Variants in LUZP2 observed in about 807,000 individuals in gnomAD.
The protein encoded by LUZP2 is leucine zipper protein 2.
In LUZP2, 52 loss-of-function variants were observed where a neutral mutation model predicts 51.6. The observed-to-expected ratio is 1.01, with a 90% confidence interval of 0.81 to 1.27. The LOEUF is 1.27. LUZP2 is among the 50% of genes most tolerant of loss of function. The pLI is 0.00. For missense variants in LUZP2, 436 were observed against 395.4 expected (o/e 1.10, Z -0.87); for synonymous variants, 154 against 137.3 (o/e 1.12, Z -0.85).
In LUZP2 at chr11:24,835,952, TC is replaced by T. The variant is rs1329090030; in HGVS notation, c.397-70038del. Among the ~76,000 whole-genome samples the T allele has an allele frequency of 8.5e-5, 13 of 152,132 alleles. No individual in the cohort carries two copies. In the Middle Eastern group the frequency reaches 0.014, roughly 159 times the overall value. On this transcript the variant is annotated intron_variant, in intron 5 of 11. Transcript: ENST00000336930. ...ACTCGTAAAAAATTTGCTGCAAAAT[TC>T]TGAAGGAAGATTAAAAAATTTAATC...
chr11:24,506,246 A>G (rs1002196916), intron 1 of LUZP2, among the ~76,000 whole-genome samples: 1 of 152,100 alleles, frequency 6.6e-6, no homozygotes, highest in African/African-American at 2.4e-5. Context: ...GGAAAGCACC[A>G]ATCACTAGCT....
At chr11:24,594,978 T>G (rs184678785) in intron 1 of LUZP2, among the ~76,000 whole-genome samples, 19 of 151,954 alleles carry the variant, frequency 1.3e-4, no homozygotes, top group African/African-American at 4.3e-4. Context: ...TTCAGGCTGG[T>G]CTCGAACTCC....
At chr11:24,835,232 G>A (rs1850828324) in intron 5 of LUZP2, among the ~76,000 whole-genome samples, 2 of 152,098 alleles carry the variant, frequency 1.3e-5, no homozygotes, top group Non-Finnish European at 2.9e-5. Context: ...TTAATAAATG[G>A]TACTGAGAAA....
chr11:24,530,107 C>T (rs1327887239), intron 1 of LUZP2, among the ~76,000 whole-genome samples: 2 of 150,754 alleles, frequency 1.3e-5, no homozygotes, highest in African/African-American at 4.8e-5. Flanking sequence ...TTTCTGGTTG[C>T]AAATTTACAT....
intron 1 of LUZP2, among the ~76,000 whole-genome samples, chr11:24,620,845 T>G (rs2403971): frequency 0.35 from 53,209 of 151,972 alleles, 9,414 homozygotes; most frequent in Middle Eastern, 0.42. Flanking sequence ...TTACCAGTCA[T>G]TTCACATAAA....
intron 1 of LUZP2, among the ~76,000 whole-genome samples, chr11:24,559,708 T>G (rs923157035): frequency 7.9e-5 from 12 of 152,146 alleles, no homozygotes; most frequent in African/African-American, 2.9e-4. Context: ...AAGTCAAAAT[T>G]TTCTCCTTAG....
chr11:24,986,267 C>T (rs1856183775), intron 9 of LUZP2, among the ~76,000 whole-genome samples: 2 of 151,488 alleles, frequency 1.3e-5, no homozygotes, highest in Admixed American at 6.6e-5. Flanking sequence ...ATTATATATA[C>T]TTACAATTAA....
intron 1 of LUZP2, among the ~76,000 whole-genome samples, chr11:24,613,648 G>GA (rs965086241): frequency 1.3e-5 from 2 of 151,178 alleles, no homozygotes; most frequent in Non-Finnish European, 3.0e-5. Flanking sequence ...ACATTTCCTT[G>GA]AAAAAAAATT....
At chr11:24,564,350 T>C (rs1250604315) in intron 1 of LUZP2, among the ~76,000 whole-genome samples, 2 of 152,184 alleles carry the variant, frequency 1.3e-5, no homozygotes. Context: ...ATATCACTAA[T>C]AAAGTAAAAT....
intron 10 of LUZP2, among the ~76,000 whole-genome samples, chr11:25,060,555 G>C (rs1475655719): frequency 2.0e-5 from 3 of 152,144 alleles, no homozygotes; most frequent in Non-Finnish European, 4.4e-5. Flanking sequence ...TCACATTGCT[G>C]TGATTACCTT....
At chr11:24,827,372 A>G (rs1490114612) in intron 5 of LUZP2, among the ~76,000 whole-genome samples, 1 of 152,228 alleles carries the variant, frequency 6.6e-6, no homozygotes, top group African/African-American at 2.4e-5. Context: ...CAAAAAGATC[A>G]CTAAGAAATC....
rs77049313 is a variant in LUZP2, at chr11:24,989,064, G to A, written c.765+5771G>A. Among the ~76,000 whole-genome samples the A allele has an allele frequency of 7.8e-3, 1,160 of 149,104 alleles. 32 individuals are homozygous for A. The East Asian group carries it at 0.1, about 13-fold the overall frequency. On this transcript the variant is annotated intron_variant, in intron 9 of 11. Transcript: ENST00000336930. Reference sequence around the variant, plus strand: ...TTCTGGAGCAGTGAGGGAAGAAAGAGGATCTAGATATAAAAAGGCTTAGAT... The same window carrying A: ...TTCTGGAGCAGTGAGGGAAGAAAGAAGATCTAGATATAAAAAGGCTTAGAT...
intron 5 of LUZP2, among the ~76,000 whole-genome samples, chr11:24,800,657 T>C (rs947633816): frequency 3.9e-5 from 6 of 152,132 alleles, no homozygotes; most frequent in Non-Finnish European, 5.9e-5. Context: ...TAATTTGTTG[T>C]GTCTAATGGG....
intron 5 of LUZP2, among the ~76,000 whole-genome samples, chr11:24,904,314 G>C (rs768781006): frequency 6.6e-6 from 1 of 151,626 alleles, no homozygotes; most frequent in African/African-American, 2.4e-5. Context: ...ACAGAGTCTT[G>C]CTCTGCCACC....
chr11:24,716,541 G>A (rs1858051296), intron 1 of LUZP2, among the ~76,000 whole-genome samples: 1 of 152,110 alleles, frequency 6.6e-6, no homozygotes, highest in African/African-American at 2.4e-5. Context: ...CAGGGTACAG[G>A]AGCCTGTTTT....
At chr11:24,682,107 A>T (rs570112462) in intron 1 of LUZP2, among the ~76,000 whole-genome samples, 3 of 152,334 alleles carry the variant, frequency 2.0e-5, no homozygotes, top group Admixed American at 2.0e-4. Context: ...TCTTGAGTTA[A>T]TGACGATTGA....
chr11:25,042,234 A>C (rs947511221), intron 9 of LUZP2, among the ~76,000 whole-genome samples: 9 of 143,202 alleles, frequency 6.3e-5, no homozygotes, highest in Non-Finnish European at 1.4e-4. Flanking sequence ...TTTTAATGGC[A>C]CAAGAAAAAG....
At chr11:24,959,814 A>C (rs1855337823) in intron 7 of LUZP2, among the ~76,000 whole-genome samples, 1 of 152,150 alleles carries the variant, frequency 6.6e-6, no homozygotes, top group Non-Finnish European at 1.5e-5. Flanking sequence ...GAGAGAGGGC[A>C]TCCCTGTCTT....
chr11:24,595,576 A>G (rs1370555308), intron 1 of LUZP2, among the ~76,000 whole-genome samples: 1 of 152,232 alleles, frequency 6.6e-6, no homozygotes, highest in Non-Finnish European at 1.5e-5. Flanking sequence ...GTTATTCATC[A>G]TTGAGATATT....
Sources: allele counts gnomAD v4.1 joint callset (sites outside exome capture counted in the v4.1 genomes callset), GRCh38; gene constraint gnomAD v4.1.1; transcripts MANE v1.5; gene names NCBI Gene and HGNC (gene_info 2026-07-23, HGNC 2026-07-21).